Variants in FREM3 observed in about 807,000 individuals in gnomAD.
FREM3 encodes the protein FRAS1-related extracellular matrix protein 3.
Under a neutral mutation model 129.1 loss-of-function variants are expected in FREM3, and 105 were observed. That is an observed-to-expected ratio of 0.81 (90% CI 0.69 to 0.96). The LOEUF (loss-of-function observed/expected upper bound fraction) is 0.96, where lower values mean the gene tolerates loss of function less well. FREM3 is among the 40% of genes least tolerant of loss of function. FREM3 has a pLI of 0.00. For missense variants in FREM3, 2,593 were observed against 2,666.3 expected (o/e 0.97, Z 0.61); for synonymous variants, 1,014 against 1,044.9 (o/e 0.97, Z 0.57).
At chr4:143,601,701 C>G (rs1333496025) in intron 6 of FREM3, 2 of 152,172 alleles carry the variant, frequency 1.3e-5, no homozygotes, top group African/African-American at 2.4e-5. Flanking sequence ...ACTGTGGCCT[C>G]CACTCTCATG....
chr4:143,697,128 G>A lies in FREM3; in HGVS notation c.3548C>T (p.Pro1183Leu). ...GINFSPNVFF[P>L]IIILPTNDEQ... is the part of the protein sequence containing the mutation. ...ATCATTGGTGGGTAGGATGATTATA[G>A]GGAAGAAGACATTTGGGGAGAAGTT... The change falls in exon 1 of 8, where the codon CCT becomes CTT. Residue 1183 changes from proline (P) to leucine (L), a missense_variant. Pro to Leu is a moderately conservative substitution (Grantham distance 98). Around this residue, in one of 2 missense-constraint regions of FREM3, gnomAD observed 2,276 missense variants for 2,267.2 expected, o/e 1.00. Coordinates refer to ENST00000329798, the MANE Select transcript of FREM3 (RefSeq NM_001168235.2). The A allele has an allele frequency of 5.9e-6, 9 of 1,537,850 alleles. No individual in the cohort carries two copies. The highest frequency in any genetic ancestry group is 7.8e-6 in the Non-Finnish European group (9 of 1,147,032).
At chr4:143,590,203 T>C (rs1172954102) in intron 6 of FREM3, among the ~76,000 whole-genome samples, 1 of 152,310 alleles carries the variant, frequency 6.6e-6, no homozygotes, top group South Asian at 2.1e-4. Flanking sequence ...TTTGACTTCC[T>C]CTTTTCCTAA....
intron 6 of FREM3, among the ~76,000 whole-genome samples, chr4:143,596,094 G>T (rs1738478067): frequency 6.6e-6 from 1 of 152,116 alleles, no homozygotes; most frequent in Non-Finnish European, 1.5e-5. Context: ...CTTGTTTATT[G>T]GTAGTGTGTA....
At chr4:143,629,928 GA>G (rs1439205965) in intron 2 of FREM3, among the ~76,000 whole-genome samples, 1 of 152,094 alleles carries the variant, frequency 6.6e-6, no homozygotes, top group Non-Finnish European at 1.5e-5. Flanking sequence ...AGCAAAGTAG[GA>G]AAAATCTATT....
At chr4:143,636,888 A>G (rs1029335067) in intron 2 of FREM3, among the ~76,000 whole-genome samples, 1 of 152,274 alleles carries the variant, frequency 6.6e-6, no homozygotes, top group South Asian at 2.1e-4. Context: ...AATGTTTATG[A>G]CTTAAACTTG....
chr4:143,603,258 TG>T (rs1434828573), intron 6 of FREM3, among the ~76,000 whole-genome samples: 1 of 152,188 alleles, frequency 6.6e-6, no homozygotes, highest in Non-Finnish European at 1.5e-5. Context: ...TCTACATGGC[TG>T]GAAGACATCT....
intron 7 of FREM3, among the ~76,000 whole-genome samples, chr4:143,580,345 A>G (rs1258844726): frequency 2.6e-5 from 4 of 152,110 alleles, no homozygotes; most frequent in African/African-American, 4.8e-5. Context: ...CCGTGGGTAA[A>G]TGGTGAGTGC....
rs373902418 is a variant in FREM3, at chr4:143,699,164, C to T, written c.1512G>A (p.Val504=). ...TPADLAAGRV[V]YQHDGSNTYS... is the part of the protein sequence containing the mutation. ...AGGTGTTGCTGCCATCATGCTGATACACCACTCGCCCTGCTGCCAGGTCCG... is the reference window on the plus strand; with the variant it reads ...AGGTGTTGCTGCCATCATGCTGATATACCACTCGCCCTGCTGCCAGGTCCG... Residue 504 remains valine, a synonymous_variant, in exon 1 of 8, where the codon GTG becomes GTA. Coordinates refer to ENST00000329798, the MANE Select transcript of FREM3 (RefSeq NM_001168235.2). The surrounding 1 kb of genome is among the most constrained non-coding windows in gnomAD (Gnocchi z 4.2). 4 of 1,537,254 alleles carry T rather than the reference C, an allele frequency of 2.6e-6. No homozygotes were observed. The highest frequency in any genetic ancestry group is 2.7e-5 in the African/African-American group (2 of 73,032).
chr4:143,585,593 TG>T lies in FREM3; in HGVS notation c.6178+250del, dbSNP rs1738226759. Among the ~76,000 whole-genome samples, 1 of 152,134 alleles carries T rather than the reference TG, an allele frequency of 6.6e-6. No homozygotes were observed. The highest frequency in any genetic ancestry group is 1.5e-5 in the Non-Finnish European group (1 of 68,022). ...AGGTATCTATAAATATTCTGAACTTTGGAAAAATTAATGTGAGCCCATGACA... is the reference window on the plus strand; with the variant it reads ...AGGTATCTATAAATATTCTGAACTTTGAAAAATTAATGTGAGCCCATGACA... On this transcript the variant is annotated intron_variant, in intron 7 of 7. Transcript: ENST00000329798. The surrounding 1 kb of genome is among the most constrained non-coding windows in gnomAD (Gnocchi z 4.2).
chr4:143,667,746 ATAAT>A (rs752949158), intron 2 of FREM3, among the ~76,000 whole-genome samples: 2 of 152,214 alleles, frequency 1.3e-5, no homozygotes, highest in Non-Finnish European at 2.9e-5. Flanking sequence ...GCCTTCCCCG[ATAAT>A]TAAAGAGGAT....
chr4:143,698,669 C>G lies in FREM3; in HGVS notation c.2007G>C (p.Met669Ile). The change falls in exon 1 of 8, where the codon ATG (methionine) becomes ATC (isoleucine). Residue 669 changes from methionine (M) to isoleucine (I), a missense_variant. Physicochemically the swap from Met to Ile is conservative, Grantham distance 10. Transcript: ENST00000329798. ...HLGPHSPQSV[M>I]VQLAFHVQDD... ...CCTGCACATGGAAAGCCAGCTGGAC[C>G]ATTACAGATTGAGGGCTGTGTGGTC... The G allele has an allele frequency of 6.5e-7, 1 of 1,537,692 alleles. No individual in the cohort carries two copies. The highest frequency in any genetic ancestry group is 8.7e-7 in the Non-Finnish European group (1 of 1,147,008).
chr4:143,587,715 G>A (rs187176331), intron 6 of FREM3, among the ~76,000 whole-genome samples: 60 of 150,266 alleles, frequency 4.0e-4, no homozygotes, highest in Admixed American at 3.9e-3. Flanking sequence ...TTGGAAGATG[G>A]AAGAAAAGCT....
In FREM3 at chr4:143,674,975, G is replaced by T. The variant is rs141306244; in HGVS notation, c.5275+18138C>A. On this transcript the variant is annotated intron_variant, in intron 2 of 7. Transcript: ENST00000329798. ...TTAACACCCCACTGAACATTAGACA[G>T]ATCAACGAGAAAGAAAGTTAACAAG... Among the ~76,000 whole-genome samples the T allele has an allele frequency of 6.2e-3, 951 of 152,258 alleles. 9 individuals carry two copies. Among genetic ancestry groups the T allele is most frequent in the African/African-American group, 0.022 (922 of 41,532 alleles).
chr4:143,643,585 C>T (rs1055252238), intron 2 of FREM3, among the ~76,000 whole-genome samples: 5 of 151,918 alleles, frequency 3.3e-5, no homozygotes, highest in African/African-American at 4.8e-5. Context: ...TGCACAGTCT[C>T]ACTTGTGGGA....
intron 2 of FREM3, among the ~76,000 whole-genome samples, chr4:143,686,152 C>T (rs1036059957): frequency 6.6e-6 from 1 of 152,012 alleles, no homozygotes; most frequent in Non-Finnish European, 1.5e-5. Context: ...AAACGGACAC[C>T]AAAAGCGAGC....
Position 143,620,068 on chromosome 4 carries a change from C to A in FREM3, c.5779+969G>T, listed in dbSNP as rs536126624. Among the ~76,000 whole-genome samples, 13 of 152,246 alleles carry A rather than the reference C, an allele frequency of 8.5e-5. No individual in the cohort carries two copies. In the South Asian group the frequency reaches 2.7e-3, roughly 32 times the overall value. ...CAATTAGTCCAGGAAGCCAAGCCAC[C>A]ACCTCTGTAGCAATCAGCAATCAAA... On this transcript the variant is annotated intron_variant, in intron 5 of 7. Coordinates refer to ENST00000329798, the MANE Select transcript of FREM3 (RefSeq NM_001168235.2).
At chr4:143,677,836 T>A (rs1740172769) in intron 2 of FREM3, among the ~76,000 whole-genome samples, 1 of 152,186 alleles carries the variant, frequency 6.6e-6, no homozygotes, top group African/African-American at 2.4e-5. Context: ...AAAACCACAG[T>A]GAGATATGAT....
intron 2 of FREM3, among the ~76,000 whole-genome samples, chr4:143,631,092 T>C (rs924036623): frequency 3.3e-5 from 5 of 152,150 alleles, no homozygotes; most frequent in South Asian, 2.1e-4. Flanking sequence ...AAATCAGAGA[T>C]AAATGGCTCC....
At chr4:143,643,063 T>G (rs1331029815) in intron 2 of FREM3, among the ~76,000 whole-genome samples, 1 of 152,042 alleles carries the variant, frequency 6.6e-6, no homozygotes, top group Non-Finnish European at 1.5e-5. Context: ...AAAATCACAA[T>G]GGGATACCAC....
Sources: gnomAD v4.1 joint callset for allele counts (sites outside exome capture counted in the v4.1 genomes callset) on GRCh38, gnomAD v4.1.1 for gene constraint, gnomAD v4.1.1 regional missense constraint, Gnocchi (gnomAD v3.1) non-coding constraint, MANE v1.5 for transcripts, NCBI Gene and HGNC (gene_info 2026-07-23, HGNC 2026-07-21) for gene names.